The following UPF2 variants were observed in gnomAD, a reference collection of about 807,000 sequenced individuals.
The protein encoded by UPF2 is UPF2 regulator of nonsense mediated mRNA decay.
Under a neutral mutation model 141.4 loss-of-function variants are expected in UPF2, and 17 were observed. That is an observed-to-expected ratio of 0.12 (90% CI 0.08 to 0.18). The LOEUF is 0.18. UPF2 is among the 10% of genes least tolerant of loss of function. The probability of loss-of-function intolerance (pLI) is 1.00; values close to 1 mark genes in which losing one functional copy is unlikely to be tolerated. For synonymous variants in UPF2, 540 were observed against 498.0 expected, an observed-to-expected ratio of 1.08 and a Z score of -1.12; for missense variants, 1,152 against 1,515.9, an observed-to-expected ratio of 0.76 and a Z score of 3.99.
chr10:11,964,878 C>T (rs540799761), intron 10 of UPF2, among the ~76,000 whole-genome samples: 1 of 152,148 alleles, frequency 6.6e-6, no homozygotes, highest in African/African-American at 2.4e-5. Flanking sequence ...TATAATGAGA[C>T]AGCCTGAGGA....
Position 11,932,142 on chromosome 10 carries a change from C to G in UPF2, c.3547-360G>C, listed in dbSNP as rs934773193. On this transcript the variant is annotated intron_variant, in intron 19 of 21. Transcript: ENST00000357604. ...CCAGCCTGGGCAAAAGAGCAAGACT[C>G]CAACTCAATTAAAAAAAAAAAAGGT... 4.7e-5 allele frequency among the ~76,000 whole-genome samples: 7 copies of G among 150,362 alleles called. No individual in the cohort carries two copies. The East Asian group carries it at 1.4e-3, about 29-fold the overall frequency.
At chr10:12,000,856 G>A (rs919119183) in intron 6 of UPF2, among the ~76,000 whole-genome samples, 1 of 152,026 alleles carries the variant, frequency 6.6e-6, no homozygotes, top group African/African-American at 2.4e-5. Flanking sequence ...AACTCGATAA[G>A]AAGCATTTAG....
intron 8 of UPF2, among the ~76,000 whole-genome samples, chr10:11,987,223 A>G (rs1427211014): frequency 6.6e-6 from 1 of 152,182 alleles, no homozygotes; most frequent in Non-Finnish European, 1.5e-5. Flanking sequence ...TGGGTTTAAC[A>G]CCTAGGTGAT....
rs375964349 is a variant in UPF2 at position 11,948,503 on chromosome 10, C to T, written c.3040G>A (p.Val1014Ile). Residue 1014 changes from valine (V) to isoleucine (I), a missense_variant, in exon 16 of 22, where the codon GTA (valine) becomes ATA (isoleucine). Physicochemically the swap from Val to Ile is conservative, Grantham distance 29. This residue lies in a region of UPF2 where 202 missense variants were observed against 223.6 expected (regional missense o/e 0.90). Transcript: ENST00000357604. Reference protein sequence around the residue: ...EREFLIKLGLVNDKDSKDSMT... With the variant: ...EREFLIKLGLINDKDSKDSMT... Reference sequence around the variant, plus strand: ...GAATCTTTTGAGTCTTTGTCATTTACTAGGCCTTGAAATGAGAAGGTGGAA... The same window carrying T: ...GAATCTTTTGAGTCTTTGTCATTTATTAGGCCTTGAAATGAGAAGGTGGAA... The T allele has an allele frequency of 1.4e-5, 23 of 1,611,922 alleles. No homozygotes were observed. The African/African-American group carries it at 2.4e-4, about 17-fold the overall frequency.
chr10:11,950,161 C>T (rs1822410241), intron 15 of UPF2, among the ~76,000 whole-genome samples: 1 of 152,076 alleles, frequency 6.6e-6, no homozygotes, highest in Admixed American at 6.6e-5. Context: ...TTAAAAATTA[C>T]TGTCATGAAC....
Position 11,931,821 on chromosome 10 carries a change from A to G in UPF2, c.3547-39T>C. 6.4e-7 allele frequency: 1 copy of G among 1,572,868 alleles called. No individual in the cohort carries two copies. The highest frequency in any genetic ancestry group is 8.6e-7 in the Non-Finnish European group (1 of 1,165,784). On this transcript the variant is annotated intron_variant, in intron 19 of 21. Transcript: ENST00000357604. The surrounding 1 kb of genome is among the most constrained non-coding windows in gnomAD (Gnocchi z 5.9). ...ACAAAGGAGTTACAAATAGTTTGAG[A>G]ACACTGAGAGAAAGAAAAAACAGAC...
At chr10:11,973,397 C>T (rs1211742716) in intron 9 of UPF2, among the ~76,000 whole-genome samples, 2 of 152,190 alleles carry the variant, frequency 1.3e-5, no homozygotes, top group Non-Finnish European at 1.5e-5. Context: ...AATTAGATCC[C>T]ATTTGTCAAT....
chr10:11,953,374 C>T lies in UPF2; in HGVS notation c.2851-1125G>A, dbSNP rs1833102350. Reference sequence around the variant, plus strand: ...ATGGATGCACAGGAAAGTTTAAAAGCACTGCTCCAGGGGATCCTTTCTTCC... The same window carrying T: ...ATGGATGCACAGGAAAGTTTAAAAGTACTGCTCCAGGGGATCCTTTCTTCC... On this transcript the variant is annotated intron_variant, in intron 14 of 21. Coordinates refer to ENST00000357604, the MANE Select transcript of UPF2 (RefSeq NM_015542.4). This position sits in a 1 kb window ranked among gnomAD's most constrained non-coding sequence, Gnocchi z 5.0. 6.6e-6 allele frequency among the ~76,000 whole-genome samples: 1 copy of T among 152,178 alleles called. No homozygotes were observed. Among genetic ancestry groups the T allele is most frequent in the Non-Finnish European group, 1.5e-5 (1 of 68,032 alleles).
intron 3 of UPF2, among the ~76,000 whole-genome samples, chr10:12,025,767 A>G (rs374734526): frequency 1.2e-4 from 18 of 152,304 alleles, no homozygotes; most frequent in African/African-American, 4.1e-4. Flanking sequence ...GCTGCTTATC[A>G]AAGCTGAATG....
Position 11,936,768 on chromosome 10 carries a change from T to C in UPF2, c.3379-56A>G. The C allele has an allele frequency of 6.8e-7, 1 of 1,472,568 alleles. No individual in the cohort carries two copies. The highest frequency in any genetic ancestry group is 9.0e-7 in the Non-Finnish European group (1 of 1,105,500). The allele number at this position is 1,472,568 out of a possible 1,614,324, so 91.2% of individuals were successfully genotyped here. On this transcript the variant is annotated intron_variant, in intron 18 of 21. Coordinates refer to ENST00000357604, the MANE Select transcript of UPF2 (RefSeq NM_015542.4). The surrounding 1 kb of genome is among the most constrained non-coding windows in gnomAD (Gnocchi z 6.6). ...ACTCCAAGATATATACGGATATATG[T>C]CAATATAAATTGCAAACTCATTCAA...
At chr10:11,985,616 G>C (rs1369112281) in intron 8 of UPF2, among the ~76,000 whole-genome samples, 1 of 141,942 alleles carries the variant, frequency 7.0e-6, no homozygotes, top group Non-Finnish European at 1.5e-5. Flanking sequence ...GCAAGAGTCC[G>C]TCTCCAAAAA....
rs893360927 is a variant in UPF2 at position 11,951,901 on chromosome 10, A to AAATC, written c.3034+161_3034+164dup. On this transcript the variant is annotated intron_variant, in intron 15 of 21. Coordinates refer to ENST00000357604, the MANE Select transcript of UPF2 (RefSeq NM_015542.4). ...TCCTCCGGTTTGAAATTACTTAGTG[A>AAATC]AATCAAGCACACCACACAGGCATTA... 73 of 627,860 alleles carry AAATC rather than the reference A, an allele frequency of 1.2e-4. No homozygotes were observed. In the African/African-American group the frequency reaches 1.3e-3, roughly 11 times the overall value. The allele number at this position is 627,860 out of a possible 1,614,324, so 38.9% of individuals were successfully genotyped here. A position where few individuals can be genotyped will look rare whatever the true frequency, so the allele number is the denominator to read the frequency against.
chr10:12,036,857 C>G (rs1403696994), intron 1 of UPF2, among the ~76,000 whole-genome samples: 2 of 152,106 alleles, frequency 1.3e-5, no homozygotes, highest in African/African-American at 4.8e-5. Context: ...GAAATCTCGT[C>G]TCTACTAAAA....
intron 18 of UPF2, among the ~76,000 whole-genome samples, chr10:11,941,532 G>A (rs1300841834): frequency 6.6e-6 from 1 of 151,784 alleles, no homozygotes. Flanking sequence ...TGCTCCATGA[G>A]CATATAAAGA....
chr10:12,002,169 G>A (rs1342183744), intron 5 of UPF2, among the ~76,000 whole-genome samples: 3 of 152,154 alleles, frequency 2.0e-5, no homozygotes, highest in Non-Finnish European at 4.4e-5. Flanking sequence ...TACTCAGGAG[G>A]CTGAGGCAGG....
intron 11 of UPF2, among the ~76,000 whole-genome samples, chr10:11,960,887 T>A (rs2131196496): frequency 6.6e-6 from 1 of 151,470 alleles, no homozygotes; most frequent in African/African-American, 2.4e-5. Context: ...AGGCCGGGAG[T>A]TCGAGAGCAG....
At chr10:11,984,211 G>C (rs1324479677) in intron 8 of UPF2, among the ~76,000 whole-genome samples, 1 of 152,166 alleles carries the variant, frequency 6.6e-6, no homozygotes, top group Admixed American at 6.5e-5. Flanking sequence ...GTGAGCCAGC[G>C]TGCCCGATCA....
Position 11,959,093 on chromosome 10 carries a change from TCTC to T in UPF2, c.2370+75_2370+77del, listed in dbSNP as rs1833199744. 7.3e-7 allele frequency: 1 copy of T among 1,371,554 alleles called. No individual in the cohort carries two copies. Among genetic ancestry groups the T allele is most frequent in the Non-Finnish European group, 9.6e-7 (1 of 1,044,492 alleles). 85.0% of individuals were successfully genotyped at this position (1,371,554 alleles called of 1,614,324 possible). ...AAGGAACTTGAGCTCTACCCCCACT[TCTC>T]CTAGACTCTACATAAGCTTAGCACT... On this transcript the variant is annotated intron_variant, in intron 12 of 21. Transcript: ENST00000357604. This position sits in a 1 kb window ranked among gnomAD's most constrained non-coding sequence, Gnocchi z 5.9.
At chr10:12,027,726 C>T (rs1447066495) in intron 3 of UPF2, among the ~76,000 whole-genome samples, 1 of 152,166 alleles carries the variant, frequency 6.6e-6, no homozygotes, top group Non-Finnish European at 1.5e-5. Flanking sequence ...ACAGTCTCTA[C>T]CTTGACCCTG....
Sources: allele counts gnomAD v4.1 joint callset (sites outside exome capture counted in the v4.1 genomes callset), GRCh38; gene constraint gnomAD v4.1.1; regional missense constraint gnomAD v4.1.1; non-coding constraint Gnocchi (gnomAD v3.1); transcripts MANE v1.5; gene names NCBI Gene and HGNC (gene_info 2026-07-23, HGNC 2026-07-21).